BBS4: variants seen among roughly 807,000 people sequenced by gnomAD.
The protein encoded by BBS4 is Bardet-Biedl syndrome 4.
Under a neutral mutation model 71.4 loss-of-function variants are expected in BBS4, and 58 were observed. The ratio of observed to expected loss-of-function variants is 0.81; its 90% CI spans 0.66 to 1.01. The LOEUF is 1.01. Ranked by LOEUF, BBS4 falls within the 50% of genes least tolerant of loss-of-function variation. The probability of loss-of-function intolerance (pLI) is 0.00; values close to 1 mark genes in which losing one functional copy is unlikely to be tolerated. For missense variants in BBS4, 660 were observed against 607.9 expected (o/e 1.09, Z -0.90); for synonymous variants, 228 against 216.8 (o/e 1.05, Z -0.46).
chr15:72,689,194 G>A (rs150231071), intron 1 of BBS4, among the ~76,000 whole-genome samples: 1 of 152,160 alleles, frequency 6.6e-6, no homozygotes, highest in South Asian at 2.1e-4. Context: ...ATATGGAGGA[G>A]AGAAAAGGAA....
At chr15:72,693,189 T>A (rs1326614018) in intron 1 of BBS4, among the ~76,000 whole-genome samples, 1 of 152,266 alleles carries the variant, frequency 6.6e-6, no homozygotes, top group Non-Finnish European at 1.5e-5. Context: ...TTAATGTATT[T>A]TAATTAAACA....
intron 15 of BBS4, chr15:72,737,205 T>C: frequency 1.6e-6 from 1 of 616,224 alleles, no homozygotes; most frequent in South Asian, 2.0e-5. Flanking sequence ...GTCTTTCCAA[T>C]TTTAGCAATA....
rs1465437164 is a variant in BBS4, at chr15:72,695,229, G to T, written c.76+1G>T. On this transcript the variant is annotated splice_donor_variant, in intron 2 of 15. Coordinates refer to ENST00000268057, the MANE Select transcript of BBS4 (RefSeq NM_033028.5). LOFTEE classifies it high-confidence loss of function. The stretch of plus-strand genomic sequence containing the variant: ...TCTCAAAAACCCCGGCAGAAAAAAG[G>T]TCTGTATGCAGTTTCATGGTATGTG... 3 of 1,586,216 alleles carry T rather than the reference G, an allele frequency of 1.9e-6. No homozygotes were observed. The highest frequency in any genetic ancestry group is 2.6e-6 in the Non-Finnish European group (3 of 1,154,942).
rs1194213172 is a variant in BBS4, at chr15:72,691,855, C to T, written c.25-3322C>T. ...CTGCGCGCCTGTAGTCCCTGCTACT[C>T]GGGAGGCTGAGGCGGGAGAATCACT... On this transcript the variant is annotated intron_variant, in intron 1 of 15. Transcript: ENST00000268057. Among the ~76,000 whole-genome samples the T allele has an allele frequency of 4.6e-5, 7 of 150,970 alleles. No individual in the cohort carries two copies. The South Asian group carries it at 6.3e-4, about 14-fold the overall frequency.
At chr15:72,701,861 C>T (rs907386916) in intron 2 of BBS4, among the ~76,000 whole-genome samples, 11 of 152,024 alleles carry the variant, frequency 7.2e-5, no homozygotes, top group Admixed American at 2.0e-4. Context: ...TTTTTTGAGA[C>T]GGAGTCTTGC....
At chr15:72,686,842 TA>T (rs2064854853) in intron 1 of BBS4, 6 of 334,458 alleles carry the variant, frequency 1.8e-5, no homozygotes, top group South Asian at 1.2e-4. Context: ...CTAATTTCGG[TA>T]AAGTGCCAAG....
rs1297352742 is a variant in BBS4 at position 72,736,747 on chromosome 15, C to A, written c.1249-15C>A. The stretch of plus-strand genomic sequence containing the variant: ...GTCACGCTTTTGATTCTTTTACTTC[C>A]TTTGTGGACACAAGATGGTGGAGAT... On this transcript the variant is annotated splice_polypyrimidine_tract_variant and intron_variant, in intron 14 of 15. Coordinates refer to ENST00000268057, the MANE Select transcript of BBS4 (RefSeq NM_033028.5). The A allele has an allele frequency of 6.2e-7, 1 of 1,613,984 alleles. No individual in the cohort carries two copies. The highest frequency in any genetic ancestry group is 2.2e-5 in the East Asian group (1 of 44,880).
intron 1 of BBS4, among the ~76,000 whole-genome samples, chr15:72,688,353 T>G (rs916149662): frequency 1.3e-5 from 2 of 151,768 alleles, no homozygotes; most frequent in Admixed American, 6.6e-5. Flanking sequence ...TTTCATCTTT[T>G]CAAGTTACCA....
intron 2 of BBS4, among the ~76,000 whole-genome samples, chr15:72,707,182 C>T (rs4238453): frequency 0.96 from 138,320 of 144,746 alleles, 66,316 homozygotes; most frequent in East Asian, 1. Context: ...TTTTTCTTTT[C>T]TTTTTTTTTT....
intron 1 of BBS4, among the ~76,000 whole-genome samples, chr15:72,689,934 C>A (rs534584959): frequency 6.6e-6 from 1 of 151,966 alleles, no homozygotes; most frequent in Non-Finnish European, 1.5e-5. Flanking sequence ...CCTGAGCCTC[C>A]GGAGTAGCTG....
intron 9 of BBS4, among the ~76,000 whole-genome samples, chr15:72,728,971 A>G (rs577837465): frequency 6.6e-6 from 1 of 152,266 alleles, no homozygotes; most frequent in South Asian, 2.1e-4. Flanking sequence ...GGTTGGCTCC[A>G]CGGGAGATGA....
chr15:72,737,720 C>A lies in BBS4; in HGVS notation c.*133C>A. ...AGTGTGTGTTATTACGAGGAGCCAG[C>A]AGTTGAGCCTAAGGTCCTTCTACCT... On this transcript the variant is annotated 3_prime_UTR_variant, in exon 16 of 16. Coordinates refer to ENST00000268057, the MANE Select transcript of BBS4 (RefSeq NM_033028.5). 1 of 775,190 alleles carries A rather than the reference C, an allele frequency of 1.3e-6. No homozygotes were observed. The highest frequency in any genetic ancestry group is 2.2e-6 in the Non-Finnish European group (1 of 461,030). The allele number at this position is 775,190 out of a possible 1,614,324, so 48.0% of individuals were successfully genotyped here.
At chr15:72,696,466 T>C (rs1336047159) in intron 2 of BBS4, among the ~76,000 whole-genome samples, 1 of 152,100 alleles carries the variant, frequency 6.6e-6, no homozygotes, top group Non-Finnish European at 1.5e-5. Context: ...GTTATAAAAG[T>C]TTAATTACTC....
At chr15:72,695,282 T>G in intron 2 of BBS4, 54 bp downstream of exon 2, 1 of 1,229,800 alleles carries the variant, frequency 8.1e-7, no homozygotes, top group Non-Finnish European at 1.2e-6. Context: ...ATTTCTCTTT[T>G]ATTTATTTAT....
intron 1 of BBS4, among the ~76,000 whole-genome samples, chr15:72,689,125 G>A (rs1424844718): frequency 6.6e-6 from 1 of 152,106 alleles, no homozygotes; most frequent in African/African-American, 2.4e-5. Flanking sequence ...GGTATATTAT[G>A]TGATCTTAAT....
chr15:72,737,009 C>A, intron 15 of BBS4, 46 bp downstream of exon 15: 1 of 1,587,146 alleles, frequency 6.3e-7, no homozygotes, highest in Non-Finnish European at 8.6e-7. Context: ...GTACAAGCCA[C>A]ATGTGTCTGT....
At chr15:72,737,349 T>C (rs964781574) in intron 15 of BBS4, 129 bp from the exon 16 acceptor site, 2 of 784,642 alleles carry the variant, frequency 2.5e-6, no homozygotes, top group Admixed American at 4.4e-5. Flanking sequence ...AGTCTTCCCT[T>C]ATAGTTAATG....
At chr15:72,696,044 CT>C (rs1346427847) in intron 2 of BBS4, among the ~76,000 whole-genome samples, 1 of 152,188 alleles carries the variant, frequency 6.6e-6, no homozygotes, top group Non-Finnish European at 1.5e-5. Flanking sequence ...TATTCATATT[CT>C]TACTGATGTA....
At position 72,712,572 on chromosome 15, in the gene BBS4, A is replaced by G. The variant is rs530512698; in HGVS notation, c.220+265A>G. Among the ~76,000 whole-genome samples the G allele has an allele frequency of 5.3e-5, 8 of 152,376 alleles. No homozygotes were observed. In the South Asian group the frequency reaches 1.4e-3, roughly 28 times the overall value. On this transcript the variant is annotated intron_variant, in intron 4 of 15. Transcript: ENST00000268057. The stretch of plus-strand genomic sequence containing the variant: ...TCCCAGGCTACAAACCTGTATGAGC[A>G]GGTGTTATACCGAATACTGTAGGCA...
Sources: gnomAD v4.1 joint callset for allele counts (sites outside exome capture counted in the v4.1 genomes callset) on GRCh38, gnomAD v4.1.1 for gene constraint, MANE v1.5 for transcripts, NCBI Gene and HGNC (gene_info 2026-07-23, HGNC 2026-07-21) for gene names.